RAB5C: variants seen among roughly 807,000 people sequenced by gnomAD.
RAB5C encodes RAB5C, member RAS oncogene family.
RAB5C carries 4 observed loss-of-function variants against 25.2 expected under a neutral mutation model. The observed-to-expected ratio is 0.16, with a 90% CI of 0.08 to 0.36. The LOEUF (loss-of-function observed/expected upper bound fraction) is 0.36. Among genes scored for constraint, RAB5C ranks in the 10% least tolerant of loss-of-function variants. The pLI, the probability that RAB5C is intolerant of heterozygous loss-of-function variation, is 1.00. For synonymous variants in RAB5C, 100 were observed against 106.4 expected (o/e 0.94, Z 0.37); for missense variants, 199 against 283.8 (o/e 0.70, Z 2.15).
intron 1 of RAB5C, among the ~76,000 whole-genome samples, chr17:42,143,769 C>T (rs564673692): frequency 5.1e-4 from 78 of 152,226 alleles, no homozygotes; most frequent in African/African-American, 1.8e-3. Flanking sequence ...GGCAATAAAA[C>T]AAAGTAACAT....
intron 1 of RAB5C, among the ~76,000 whole-genome samples, chr17:42,150,791 G>A (rs1197102871): frequency 6.6e-6 from 1 of 151,900 alleles, no homozygotes; most frequent in African/African-American, 2.4e-5. Context: ...AGAATCGCTT[G>A]AACACAGGAG....
At chr17:42,133,210 G>A (rs944949207) in intron 1 of RAB5C, among the ~76,000 whole-genome samples, 10 of 152,172 alleles carry the variant, frequency 6.6e-5, no homozygotes, top group South Asian at 2.1e-4. Context: ...ATGAATCCAC[G>A]TGACACAGAG....
At position 42,125,777 on chromosome 17, in the gene RAB5C, G is replaced by T. The variant is rs782615116; in HGVS notation, c.*6C>A. 16 of 1,592,240 alleles carry T rather than the reference G, an allele frequency of 1.0e-5. No individual in the cohort carries two copies. Among genetic ancestry groups the T allele is most frequent in the Non-Finnish European group, 1.3e-5 (15 of 1,169,528 alleles). On this transcript the variant is annotated 3_prime_UTR_variant, in exon 6 of 6. Coordinates refer to ENST00000346213, the MANE Select transcript of RAB5C (RefSeq NM_004583.4). ...GAGGCGGGGGCAGCGGGCAGGCAAG[G>T]GGGGCTCAGTTGCTGCAGCACTGGC...
intron 1 of RAB5C, among the ~76,000 whole-genome samples, chr17:42,147,718 T>C (rs749851120): frequency 3.9e-5 from 6 of 152,234 alleles, no homozygotes; most frequent in Non-Finnish European, 8.8e-5. Context: ...TGGCTCAAGC[T>C]GTGGGATCAG....
intron 1 of RAB5C, among the ~76,000 whole-genome samples, chr17:42,146,059 G>A (rs2079633152): frequency 6.6e-6 from 1 of 152,006 alleles, no homozygotes; most frequent in African/African-American, 2.4e-5. Flanking sequence ...CACCCACCTC[G>A]GCCTCCCAAA....
At chr17:42,151,276 A>T (rs561749936) in intron 1 of RAB5C, among the ~76,000 whole-genome samples, 96 of 152,248 alleles carry the variant, frequency 6.3e-4, no homozygotes, top group Non-Finnish European at 8.5e-4. Context: ...CTCTACTAAA[A>T]ATACAAAACA....
intron 1 of RAB5C, among the ~76,000 whole-genome samples, chr17:42,149,419 T>A (rs1321616103): frequency 6.6e-6 from 1 of 151,966 alleles, no homozygotes; most frequent in Non-Finnish European, 1.5e-5. Flanking sequence ...CTGTCTCTAC[T>A]AAAAATACAA....
chr17:42,141,167 C>T (rs1368385078), intron 1 of RAB5C, among the ~76,000 whole-genome samples: 1 of 152,094 alleles, frequency 6.6e-6, no homozygotes, highest in African/African-American at 2.4e-5. Flanking sequence ...TAGAGTGGTG[C>T]CCAGTGAAGA....
chr17:42,143,188 C>A (rs918094957), intron 1 of RAB5C, among the ~76,000 whole-genome samples: 1 of 152,204 alleles, frequency 6.6e-6, no homozygotes, highest in African/African-American at 2.4e-5. Flanking sequence ...TTCCCAACTC[C>A]AGAGTCTCTA....
intron 5 of RAB5C, among the ~76,000 whole-genome samples, 197 bp from the exon 6 acceptor site, chr17:42,126,095 C>T (rs1488621277): frequency 6.6e-6 from 1 of 152,126 alleles, no homozygotes; most frequent in Non-Finnish European, 1.5e-5. Context: ...GACTACAGAG[C>T]TAATGAGTGG....
At chr17:42,131,724 T>A in intron 1 of RAB5C, 1 of 1,028,990 alleles carries the variant, frequency 9.7e-7, no homozygotes. Flanking sequence ...AGTCCCGACA[T>A]CTGAATCACT....
intron 1 of RAB5C, among the ~76,000 whole-genome samples, chr17:42,148,513 T>C (rs936466526): frequency 1.3e-5 from 2 of 151,848 alleles, no homozygotes; most frequent in Admixed American, 1.3e-4. Flanking sequence ...GAGCCTACTA[T>C]GCTGAGTGCC....
At chr17:42,144,975 A>G (rs2079624837) in intron 1 of RAB5C, among the ~76,000 whole-genome samples, 3 of 121,390 alleles carry the variant, frequency 2.5e-5, no homozygotes, top group South Asian at 2.6e-4. Context: ...AAAAAAAAAA[A>G]AAAAAGAAAC....
Position 42,130,572 on chromosome 17 carries a change from TGGGGAGGGGGAC to T in RAB5C, c.-82_-71del. 10 of 1,590,530 alleles carry T rather than the reference TGGGGAGGGGGAC, an allele frequency of 6.3e-6. No individual in the cohort carries two copies. Among genetic ancestry groups the T allele is most frequent in the Non-Finnish European group, 8.6e-6 (10 of 1,166,916 alleles). ...TGGTGCTATGCAAAGAGGCACTTAG[TGGGGAGGGGGAC>T]CTCCAACTGTAAGGGAGAAATGAGA... On this transcript the variant is annotated 5_prime_UTR_variant, in exon 2 of 6. Transcript: ENST00000346213.
intron 1 of RAB5C, among the ~76,000 whole-genome samples, chr17:42,131,409 C>T (rs2054484506): frequency 6.6e-6 from 1 of 151,822 alleles, no homozygotes. Flanking sequence ...CACAGAAACA[C>T]ACACACCGGA....
intron 1 of RAB5C, among the ~76,000 whole-genome samples, chr17:42,145,545 C>A (rs2144093256): frequency 6.6e-6 from 1 of 152,316 alleles, no homozygotes; most frequent in Admixed American, 6.5e-5. Flanking sequence ...TGTAATCCCA[C>A]CACTTTGGGA....
chr17:42,139,196 C>T (rs566759300), intron 1 of RAB5C, among the ~76,000 whole-genome samples: 1 of 151,862 alleles, frequency 6.6e-6, no homozygotes, highest in East Asian at 1.9e-4. Flanking sequence ...CCAGTGTGGT[C>T]GGCCAGTGCT....
At position 42,128,657 on chromosome 17, in the gene RAB5C, T is replaced by A; in HGVS notation, c.310A>T (p.Thr104Ser). 2.7e-6 allele frequency: 4 copies of A among 1,489,638 alleles called. No homozygotes were observed. Among genetic ancestry groups the A allele is most frequent in the Non-Finnish European group, 3.6e-6 (4 of 1,120,062 alleles). 92.3% of individuals were successfully genotyped at this position (1,489,638 alleles called of 1,614,324 possible). A position where few individuals can be genotyped will look rare whatever the true frequency, so the allele number is the denominator to read the frequency against. Residue 104 changes from threonine to serine, a missense_variant, in exon 3 of 6, where the codon ACC becomes TCC. Thr to Ser is a moderately conservative substitution (Grantham distance 58, BLOSUM62 1). Around this residue, in one of 3 missense-constraint regions of RAB5C, gnomAD observed 154 missense variants for 199.6 expected, o/e 0.77. Coordinates refer to ENST00000346213, the MANE Select transcript of RAB5C (RefSeq NM_004583.4). ...AQAAIVVYDITNTDTFARAKN... is the reference protein window; with the variant it reads ...AQAAIVVYDISNTDTFARAKN... The stretch of plus-strand genomic sequence containing the variant: ...CAAGGGGAAATCTTTACTGTGTTGG[T>A]GATGTCATAGACCACGATGGCAGCC...
intron 1 of RAB5C, among the ~76,000 whole-genome samples, chr17:42,150,977 C>A (rs926395967): frequency 6.6e-6 from 1 of 152,188 alleles, no homozygotes. Flanking sequence ...TATTTAGCAT[C>A]CCCATTTTAC....
Sources: allele counts gnomAD v4.1 joint callset (sites outside exome capture counted in the v4.1 genomes callset), GRCh38; gene constraint gnomAD v4.1.1; regional missense constraint gnomAD v4.1.1; transcripts MANE v1.5; gene names NCBI Gene and HGNC (gene_info 2026-07-23, HGNC 2026-07-21).